Variants in HSD3B1 observed in about 807,000 individuals in gnomAD.
HSD3B1 encodes the protein 3 beta-hydroxysteroid dehydrogenase/Delta 5-->4-isomerase type 1.
HSD3B1 carries 11 observed loss-of-function variants against 10.4 expected under a neutral mutation model. That is an observed-to-expected ratio of 1.05 (90% confidence interval 0.66 to 1.75). HSD3B1 has a LOEUF of 1.75. HSD3B1 is among the 40% of genes most tolerant of loss of function. HSD3B1 has a pLI of 0.00. For synonymous variants in HSD3B1, 217 were observed against 185.4 expected (o/e 1.17, Z -1.39); for missense variants, 490 against 454.5 (o/e 1.08, Z -0.71).
intron 2 of HSD3B1, among the ~76,000 whole-genome samples, chr1:119,510,737 T>TTTC (rs1653913399): frequency 1.2e-5 from 1 of 83,956 alleles, no homozygotes; most frequent in African/African-American, 8.3e-5. Flanking sequence ...TTTTTTTTTT[T>TTTC]TTTTTTTTTT....
chr1:119,507,395 T>A lies in HSD3B1; in HGVS notation c.-82T>A. The A allele has an allele frequency of 2.1e-6, 3 of 1,438,804 alleles. No homozygotes were observed. Among genetic ancestry groups the A allele is most frequent in the South Asian group, 2.3e-5 (2 of 86,646 alleles). 89.1% of individuals were successfully genotyped at this position (1,438,804 alleles called of 1,614,324 possible). ...ACCATTTGACATCTCTTTTTAGCCC[T>A]CTCCAGGGTCACCCTAGAATCAGAT... On this transcript the variant is annotated 5_prime_UTR_variant, in exon 2 of 4. Transcript: ENST00000369413.
intron 3 of HSD3B1, among the ~76,000 whole-genome samples, chr1:119,512,182 G>T (rs1278978837): frequency 6.6e-6 from 1 of 152,138 alleles, no homozygotes; most frequent in Non-Finnish European, 1.5e-5. Flanking sequence ...AGCAAAGCTG[G>T]TTCACAAGGT....
At chr1:119,508,674 A>G (rs1653856982) in intron 2 of HSD3B1, among the ~76,000 whole-genome samples, 1 of 152,114 alleles carries the variant, frequency 6.6e-6, no homozygotes, top group South Asian at 2.1e-4. Flanking sequence ...GTGTGCCCCA[A>G]AACAATTCCC....
chr1:119,511,742 A>G, intron 3 of HSD3B1, 75 bp downstream of exon 3: 1 of 1,437,686 alleles, frequency 7.0e-7, no homozygotes, highest in South Asian at 1.2e-5. Context: ...AGGGAAGAGA[A>G]GTCCCTCCAC....
In HSD3B1 at chr1:119,514,522, G is replaced by C. The variant is rs745521197; in HGVS notation, c.999G>C (p.Lys333Asn). 1.9e-6 allele frequency: 3 copies of C among 1,614,058 alleles called. No homozygotes were observed. Among genetic ancestry groups the C allele is most frequent in the Non-Finnish European group, 2.5e-6 (3 of 1,179,988 alleles). The change falls in exon 4 of 4, where the codon AAG becomes AAC. Residue 333 changes from lysine to asparagine, a missense_variant. By Grantham distance (94) the Lys-to-Asn change is moderately conservative (BLOSUM62 0). Transcript: ENST00000369413. ...SNSVFTFSYK[K>N]AQRDLAYKPL... Reference sequence around the variant, plus strand: ...GCGTATTCACCTTCTCTTATAAGAAGGCTCAGCGAGATCTGGCGTATAAGC... The same window carrying C: ...GCGTATTCACCTTCTCTTATAAGAACGCTCAGCGAGATCTGGCGTATAAGC...
Position 119,514,059 on chromosome 1 carries a change from C to A in HSD3B1, c.536C>A (p.Thr179Asn), listed in dbSNP as rs775619459. 1.4e-5 allele frequency: 23 copies of A among 1,614,016 alleles called. No individual in the cohort carries two copies. Among genetic ancestry groups the A allele is most frequent in the Non-Finnish European group, 1.7e-5 (20 of 1,180,024 alleles). ...ANGWNLKNGG[T>N]LYTCALRPMY... The stretch of plus-strand genomic sequence containing the variant: ...GGGTGGAATCTGAAAAACGGCGGCA[C>A]CCTGTACACTTGTGCCTTACGACCC... Residue 179 changes from threonine to asparagine, a missense_variant, in exon 4 of 4, where the codon ACC (threonine) becomes AAC (asparagine). Thr to Asn is a moderately conservative substitution (Grantham distance 65). Transcript: ENST00000369413.
chr1:119,513,847 G>C lies in HSD3B1; in HGVS notation c.324G>C (p.Leu108=), dbSNP rs1454306141. Residue 108 remains leucine, a synonymous_variant, in exon 4 of 4, where the codon CTG becomes CTC. Coordinates refer to ENST00000369413, the MANE Select transcript of HSD3B1 (RefSeq NM_000862.3). ...MNVNVKGTQL[L]LEACVQASVP... ...CTTCATGGACAGGTACCCAGCTCCT[G>C]TTAGAGGCCTGTGTCCAAGCTAGTG... 6.2e-7 allele frequency: 1 copy of C among 1,613,810 alleles called. No individual in the cohort carries two copies. Among genetic ancestry groups the C allele is most frequent in the South Asian group, 1.1e-5 (1 of 91,052 alleles).
At chr1:119,513,775 C>A in intron 3 of HSD3B1, 59 bp from the exon 4 acceptor site, 1 of 1,519,902 alleles carries the variant, frequency 6.6e-7, no homozygotes, top group South Asian at 1.2e-5. Context: ...GATCTGTGTT[C>A]GTGGTTGGCA....
Position 119,507,392 on chromosome 1 carries a change from C to A in HSD3B1, c.-85C>A. The A allele has an allele frequency of 7.1e-7, 1 of 1,402,232 alleles. No homozygotes were observed. The highest frequency in any genetic ancestry group is 1.0e-6 in the Non-Finnish European group (1 of 993,364). The allele number at this position is 1,402,232 out of a possible 1,614,324, so 86.9% of individuals were successfully genotyped here. A position where few individuals can be genotyped will look rare whatever the true frequency, so the allele number is the denominator to read the frequency against. On this transcript the variant is annotated splice_region_variant and 5_prime_UTR_variant, in exon 2 of 4. Transcript: ENST00000369413. ...ATAACCATTTGACATCTCTTTTTAG[C>A]CCTCTCCAGGGTCACCCTAGAATCA... is the stretch of plus-strand genomic sequence containing the variant.
Position 119,514,081 on chromosome 1 carries a change from A to G in HSD3B1, c.558A>G (p.Arg186=). The G allele has an allele frequency of 6.2e-7, 1 of 1,614,046 alleles. No individual in the cohort carries two copies. Among genetic ancestry groups the G allele is most frequent in the Non-Finnish European group, 8.5e-7 (1 of 1,179,974 alleles). Residue 186 remains arginine (R), a synonymous_variant, in exon 4 of 4, where the codon CGA becomes CGG. Transcript: ENST00000369413. ...GCACCCTGTACACTTGTGCCTTACG[A>G]CCCATGTATATCTATGGGGAAGGAA... ...NGGTLYTCAL[R]PMYIYGEGSR...
chr1:119,512,372 G>A (rs1012469113), intron 3 of HSD3B1, among the ~76,000 whole-genome samples: 4 of 152,164 alleles, frequency 2.6e-5, no homozygotes, highest in South Asian at 2.1e-4. Context: ...AATGCTTGGC[G>A]TTTCCTTTCA....
chr1:119,508,421 A>G (rs1653849278), intron 2 of HSD3B1, among the ~76,000 whole-genome samples: 1 of 152,062 alleles, frequency 6.6e-6, no homozygotes, highest in South Asian at 2.1e-4. Flanking sequence ...TCAAAAAGAA[A>G]TTGACTGCAG....
rs775120619 is a variant in HSD3B1 at position 119,511,615 on chromosome 1, T to G, written c.258T>G (p.Ile86Met). 63 of 1,613,664 alleles carry G rather than the reference T, an allele frequency of 3.9e-5. No individual in the cohort carries two copies. The highest frequency in any genetic ancestry group is 5.0e-5 in the Non-Finnish European group (59 of 1,179,762). ...VSVIIHTACI[I>M]DVFGVTHRES... ...TCATCATCCACACCGCCTGTATCAT[T>G]GATGTCTTCGGTGTCACTCACAGAG... is the stretch of plus-strand genomic sequence containing the variant. Residue 86 changes from isoleucine (I) to methionine (M), a missense_variant, in exon 3 of 4, where the codon ATT becomes ATG. Transcript: ENST00000369413.
intron 2 of HSD3B1, 100 bp from the exon 3 acceptor site, chr1:119,511,403 C>T: frequency 1.6e-6 from 2 of 1,218,618 alleles, no homozygotes; most frequent in Non-Finnish European, 2.4e-6. Context: ...TAACACCCTA[C>T]TCTAACCATC....
At chr1:119,513,075 C>T (rs904236407) in intron 3 of HSD3B1, among the ~76,000 whole-genome samples, 8 of 152,190 alleles carry the variant, frequency 5.3e-5, no homozygotes, top group African/African-American at 1.4e-4. Context: ...CTTCTCTCCC[C>T]AGCCCTCCAC....
intron 2 of HSD3B1, among the ~76,000 whole-genome samples, chr1:119,510,666 A>G (rs1303947772): frequency 7.1e-6 from 1 of 140,842 alleles, no homozygotes; most frequent in Non-Finnish European, 1.5e-5. Context: ...TTAACTTCCT[A>G]CACCACAACC....
chr1:119,508,947 T>C (rs964825839), intron 2 of HSD3B1, among the ~76,000 whole-genome samples: 5 of 152,240 alleles, frequency 3.3e-5, no homozygotes, highest in African/African-American at 1.2e-4. Context: ...CAATTTAACA[T>C]CTGAAGCCAG....
intron 2 of HSD3B1, among the ~76,000 whole-genome samples, chr1:119,509,448 G>A (rs1653877869): frequency 6.6e-6 from 1 of 152,172 alleles, no homozygotes; most frequent in Non-Finnish European, 1.5e-5. Context: ...TAGATCCCTG[G>A]GAACTCACTG....
intron 2 of HSD3B1, among the ~76,000 whole-genome samples, chr1:119,510,452 C>A (rs1653899638): frequency 6.6e-6 from 1 of 152,104 alleles, no homozygotes; most frequent in Admixed American, 6.6e-5. Context: ...CTTTTCCTAT[C>A]AGCTCAGATC....
Sources: gnomAD v4.1 joint callset for allele counts (sites outside exome capture counted in the v4.1 genomes callset) on GRCh38, gnomAD v4.1.1 for gene constraint, MANE v1.5 for transcripts, NCBI Gene and HGNC (gene_info 2026-07-23, HGNC 2026-07-21) for gene names.